The following SGCZ variants were observed in gnomAD, a reference collection of about 807,000 sequenced individuals.
SGCZ encodes the protein sarcoglycan zeta.
SGCZ carries 40 observed loss-of-function variants against 41.3 expected under a neutral mutation model. The ratio of observed to expected loss-of-function variants is 0.97; its 90% CI spans 0.75 to 1.26. The LOEUF is 1.26. Ranked by LOEUF, SGCZ falls within the 50% of genes most tolerant of loss-of-function variation. The pLI is 0.00. For missense variants in SGCZ, 552 were observed against 369.8 expected (o/e 1.49, Z -4.04); for synonymous variants, 206 against 137.5 (o/e 1.50, Z -3.49).
At chr8:14,239,882 A>AGTG (rs1798801066) in intron 3 of SGCZ, among the ~76,000 whole-genome samples, 2 of 112,118 alleles carry the variant, frequency 1.8e-5, no homozygotes. Context: ...AGCCTGGGCG[A>AGTG]CAGAGCGAGA....
At chr8:14,775,479 G>A (rs868734848) in intron 1 of SGCZ, among the ~76,000 whole-genome samples, 1 of 151,858 alleles carries the variant, frequency 6.6e-6, no homozygotes, top group African/African-American at 2.4e-5. Context: ...GTGTGTGTGT[G>A]TGTGTGTGTG....
intron 1 of SGCZ, among the ~76,000 whole-genome samples, chr8:15,037,449 G>A (rs926183592): frequency 2.6e-5 from 4 of 152,128 alleles, no homozygotes; most frequent in East Asian, 3.8e-4. Flanking sequence ...AAATTACCCA[G>A]TCTCAGGCAG....
chr8:14,495,668 G>A (rs1433809179), intron 2 of SGCZ, among the ~76,000 whole-genome samples: 1 of 152,158 alleles, frequency 6.6e-6, no homozygotes, highest in Non-Finnish European at 1.5e-5. Context: ...TCATTAAGGT[G>A]AAAGACCAAA....
At chr8:15,016,199 C>G (rs2130934731) in intron 1 of SGCZ, among the ~76,000 whole-genome samples, 1 of 152,270 alleles carries the variant, frequency 6.6e-6, no homozygotes, top group Non-Finnish European at 1.5e-5. Flanking sequence ...TGGACTTACA[C>G]CTGCCCCATT....
At chr8:15,021,288 T>C (rs935556444) in intron 1 of SGCZ, among the ~76,000 whole-genome samples, 5 of 152,180 alleles carry the variant, frequency 3.3e-5, no homozygotes, top group Non-Finnish European at 7.4e-5. Flanking sequence ...CTGACTAATA[T>C]GGTGAATTCA....
chr8:14,160,381 C>T (rs2014581), intron 5 of SGCZ, among the ~76,000 whole-genome samples: 53,017 of 151,976 alleles, frequency 0.35, 9,462 homozygotes, highest in Middle Eastern at 0.46. Flanking sequence ...AAGAGACTTC[C>T]GTGTGTAAAG....
At chr8:14,164,506 A>T (rs878978948) in intron 5 of SGCZ, 74 bp downstream of exon 5, 1 of 1,565,748 alleles carries the variant, frequency 6.4e-7, no homozygotes, top group Non-Finnish European at 8.7e-7. Context: ...CATCCATCTT[A>T]TTAAGAAGCT....
At chr8:14,313,668 T>C (rs1463648611) in intron 3 of SGCZ, among the ~76,000 whole-genome samples, 2 of 152,198 alleles carry the variant, frequency 1.3e-5, no homozygotes, top group Non-Finnish European at 2.9e-5. Flanking sequence ...GATGACACTG[T>C]TATATTAGAT....
At chr8:14,980,464 G>T in intron 1 of SGCZ, among the ~76,000 whole-genome samples, 1 of 152,166 alleles carries the variant, frequency 6.6e-6, no homozygotes, top group Admixed American at 6.5e-5. Flanking sequence ...GTGTTAGTCT[G>T]TTTTCACGTT....
intron 1 of SGCZ, among the ~76,000 whole-genome samples, chr8:15,191,920 G>C (rs1800553182): frequency 6.6e-6 from 1 of 152,030 alleles, no homozygotes; most frequent in Non-Finnish European, 1.5e-5. Context: ...TGCTGGATTT[G>C]AGATTTAGCT....
chr8:15,211,482 C>T (rs1386045630), intron 1 of SGCZ, among the ~76,000 whole-genome samples: 1 of 152,142 alleles, frequency 6.6e-6, no homozygotes, highest in East Asian at 1.9e-4. Context: ...AACCAACCAT[C>T]CCTTCATTCT....
intron 2 of SGCZ, among the ~76,000 whole-genome samples, chr8:14,437,630 G>A (rs1800131107): frequency 1.3e-5 from 2 of 151,778 alleles, no homozygotes; most frequent in Admixed American, 1.3e-4. Flanking sequence ...AAGAGCATAA[G>A]CAAAAGTTCT....
chr8:14,375,760 C>A (rs150323497), intron 2 of SGCZ, among the ~76,000 whole-genome samples: 2,979 of 152,030 alleles, frequency 0.02, 80 homozygotes, highest in African/African-American at 0.056. Context: ...ATGTTTAGTA[C>A]TTAAACAGAA....
At chr8:14,752,379 G>A (rs999055521) in intron 1 of SGCZ, among the ~76,000 whole-genome samples, 5 of 152,090 alleles carry the variant, frequency 3.3e-5, no homozygotes, top group African/African-American at 4.8e-5. Context: ...GCCAGCCCTA[G>A]GTCTAACAAA....
At chr8:14,237,391 G>T (rs541688532) in intron 4 of SGCZ, among the ~76,000 whole-genome samples, 2 of 151,970 alleles carry the variant, frequency 1.3e-5, no homozygotes, top group East Asian at 3.9e-4. Flanking sequence ...AGCACAGTAG[G>T]CCAGATGACC....
intron 1 of SGCZ, among the ~76,000 whole-genome samples, chr8:14,985,040 T>G (rs1801785865): frequency 1.3e-5 from 2 of 152,134 alleles, no homozygotes; most frequent in African/African-American, 2.4e-5. Flanking sequence ...TACCCTGATT[T>G]CTTTACTGCC....
At chr8:14,357,333 T>C (rs1803335626) in intron 2 of SGCZ, among the ~76,000 whole-genome samples, 1 of 152,152 alleles carries the variant, frequency 6.6e-6, no homozygotes, top group Non-Finnish European at 1.5e-5. Context: ...TACACTGAAA[T>C]CTCATTTATA....
chr8:14,915,743 G>A (rs2130783474), intron 1 of SGCZ, among the ~76,000 whole-genome samples: 1 of 152,198 alleles, frequency 6.6e-6, no homozygotes, highest in South Asian at 2.1e-4. Context: ...AATCTGCTGT[G>A]GTCCCTGCCT....
chr8:14,932,481 A>G (rs1014486870), intron 1 of SGCZ, among the ~76,000 whole-genome samples: 4 of 152,026 alleles, frequency 2.6e-5, no homozygotes, highest in South Asian at 4.1e-4. Flanking sequence ...CGTTCTGTGT[A>G]AAGAATTTGG....
Sources: allele counts gnomAD v4.1 joint callset (sites outside exome capture counted in the v4.1 genomes callset), GRCh38; gene constraint gnomAD v4.1.1; transcripts MANE v1.5; gene names NCBI Gene and HGNC (gene_info 2026-07-23, HGNC 2026-07-21).